ITSN2: variants seen among roughly 807,000 people sequenced by gnomAD.
The protein encoded by ITSN2 is intersectin 2, also known as intersectin-2.
ITSN2 carries 156 observed loss-of-function variants against 243.7 expected under a neutral mutation model. The observed-to-expected ratio is 0.64, with a 90% CI of 0.56 to 0.73. The LOEUF (loss-of-function observed/expected upper bound fraction) is 0.73, where lower values mean the gene tolerates loss of function less well. Ranked by LOEUF, ITSN2 falls within the 30% of genes least tolerant of loss-of-function variation. The probability of loss-of-function intolerance (pLI) is 0.00; values close to 1 mark genes in which losing one functional copy is unlikely to be tolerated. For synonymous variants in ITSN2, 703 were observed against 699.9 expected (o/e 1.00, Z -0.07); for missense variants, 1,801 against 1,996.1 (o/e 0.90, Z 1.86).
At chr2:24,299,880 T>C (rs779115988) in intron 12 of ITSN2, 29 bp downstream of exon 12, 37 of 1,530,478 alleles carry the variant, frequency 2.4e-5, no homozygotes, top group East Asian at 1.6e-4. Context: ...GTAATGATTT[T>C]CTTAAGAAGT....
Position 24,249,776 on chromosome 2 carries a change from G to A in ITSN2, c.3121-894C>T, listed in dbSNP as rs1673868380. ...TTACAGCTAAGAGTCAACCCAGGCA[G>A]TCTGATTCTACTACACCAATGGCTC... On this transcript the variant is annotated intron_variant, in intron 25 of 39. Transcript: ENST00000355123. The surrounding 1 kb of genome is among the most constrained non-coding windows in gnomAD (Gnocchi z 4.4). Among the ~76,000 whole-genome samples the A allele has an allele frequency of 6.6e-6, 1 of 152,194 alleles. No individual in the cohort carries two copies. The highest frequency in any genetic ancestry group is 6.5e-5 in the Admixed American group (1 of 15,276).
intron 1 of ITSN2, among the ~76,000 whole-genome samples, chr2:24,344,044 T>C (rs945236276): frequency 2.0e-5 from 3 of 152,230 alleles, no homozygotes; most frequent in African/African-American, 7.2e-5. Context: ...ACATGTTATT[T>C]TTCAAACCCA....
upstream of ITSN2, among the ~76,000 whole-genome samples, chr2:24,361,236 C>T (rs1307084833): frequency 6.6e-6 from 1 of 152,178 alleles, no homozygotes; most frequent in Non-Finnish European, 1.5e-5. Flanking sequence ...CCTCCCCACC[C>T]CTCGCCAAGG....
intron 7 of ITSN2, 127 bp downstream of exon 7, chr2:24,310,157 C>T (rs1289933414): frequency 5.3e-6 from 3 of 569,104 alleles, no homozygotes; most frequent in African/African-American, 3.8e-5. Flanking sequence ...GTAAATTTAC[C>T]TTAAGTATTT....
chr2:24,220,123 C>T (rs992248351), intron 30 of ITSN2, among the ~76,000 whole-genome samples: 13 of 152,272 alleles, frequency 8.5e-5, no homozygotes, highest in South Asian at 4.2e-4. Context: ...CAGGGCAGGG[C>T]TTGCTGGGGA....
chr2:24,203,957 G>A, intron 39 of ITSN2, 174 bp from the exon 40 acceptor site: 3 of 676,076 alleles, frequency 4.4e-6, no homozygotes, highest in Non-Finnish European at 4.9e-6. Flanking sequence ...GCAGGTTTGT[G>A]TGTGAGAAGC....
At chr2:24,276,914 G>A (rs1187500344) in intron 17 of ITSN2, among the ~76,000 whole-genome samples, 1 of 152,144 alleles carries the variant, frequency 6.6e-6, no homozygotes, top group East Asian at 1.9e-4. Context: ...AACCAAATAA[G>A]ACCTGGGGAT....
In ITSN2 at chr2:24,248,768, A is replaced by G; in HGVS notation, c.3167-18T>C. 6.2e-7 allele frequency: 1 copy of G among 1,613,020 alleles called. No homozygotes were observed. ...AGCAATCTCTGAAAAGACAAAGAAGAAACTATGAATTCAAGATTGCGACAG... is the reference window on the plus strand; with the variant it reads ...AGCAATCTCTGAAAAGACAAAGAAGGAACTATGAATTCAAGATTGCGACAG... On this transcript the variant is annotated intron_variant, in intron 26 of 39. Coordinates refer to ENST00000355123, the MANE Select transcript of ITSN2 (RefSeq NM_006277.3).
intron 22 of ITSN2, among the ~76,000 whole-genome samples, chr2:24,260,485 G>A (rs1361488259): frequency 1.4e-5 from 2 of 146,806 alleles, no homozygotes; most frequent in Non-Finnish European, 3.0e-5. Flanking sequence ...AAACCGTCAA[G>A]CCCAAGTCTC....
chr2:24,204,806 T>C lies in ITSN2; in HGVS notation c.4763-388A>G, dbSNP rs75201250. On this transcript the variant is annotated intron_variant, in intron 38 of 39. Coordinates refer to ENST00000355123, the MANE Select transcript of ITSN2 (RefSeq NM_006277.3). The surrounding 1 kb of genome is among the most constrained non-coding windows in gnomAD (Gnocchi z 5.1). ...CGCATTTTAGTGGCACTGGACACAC[T>C]GTTAGAAAGCATTCCTTTATTCAGT... The C allele has an allele frequency of 2.1e-3, 982 of 462,214 alleles. 16 individuals are homozygous for C. The East Asian group carries it at 0.043, about 20-fold the overall frequency. The allele number at this position is 462,214 out of a possible 1,614,324, so 28.6% of individuals were successfully genotyped here.
At chr2:24,334,639 G>T (rs1006417251) in intron 1 of ITSN2, 8 of 1,302,028 alleles carry the variant, frequency 6.1e-6, no homozygotes, top group Admixed American at 3.4e-5. Flanking sequence ...TGTTATACAG[G>T]AAGCAGAGTG....
In ITSN2 at chr2:24,203,001, A is replaced by C. The variant is rs188312981; in HGVS notation, c.*625T>G. On this transcript the variant is annotated 3_prime_UTR_variant, in exon 40 of 40. Coordinates refer to ENST00000355123, the MANE Select transcript of ITSN2 (RefSeq NM_006277.3). ...TTATACTTCAGAAAATTAAAGTTGAAAAATATTTTCCACATTATTAGAGTT... is the reference window on the plus strand; with the variant it reads ...TTATACTTCAGAAAATTAAAGTTGACAAATATTTTCCACATTATTAGAGTT... The C allele has an allele frequency of 6.5e-6, 1 of 152,794 alleles. No homozygotes were observed. Among genetic ancestry groups the C allele is most frequent in the Admixed American group, 6.5e-5 (1 of 15,306 alleles). The allele number at this position is 152,794 out of a possible 1,614,324, so 9.5% of individuals were successfully genotyped here.
intron 15 of ITSN2, among the ~76,000 whole-genome samples, chr2:24,288,117 A>G (rs1156867463): frequency 1.3e-5 from 2 of 152,066 alleles, no homozygotes; most frequent in East Asian, 3.8e-4. Context: ...GCCAATGTCA[A>G]AGAGCTTTTG....
At chr2:24,321,159 G>A (rs1684534506) in intron 2 of ITSN2, among the ~76,000 whole-genome samples, 1 of 152,152 alleles carries the variant, frequency 6.6e-6, no homozygotes, top group African/African-American at 2.4e-5. Flanking sequence ...TGCAAATACA[G>A]GGGTTTCTTC....
chr2:24,329,030 T>G (rs1685486554), intron 1 of ITSN2, among the ~76,000 whole-genome samples: 1 of 152,232 alleles, frequency 6.6e-6, no homozygotes, highest in African/African-American at 2.4e-5. Flanking sequence ...TAACCTTTTT[T>G]GAGACTCAGA....
intron 17 of ITSN2, among the ~76,000 whole-genome samples, chr2:24,277,472 G>A (rs1202668446): frequency 6.6e-6 from 1 of 152,166 alleles, no homozygotes; most frequent in Non-Finnish European, 1.5e-5. Context: ...CAATAGTAAT[G>A]CATACTGCTT....
rs146385877 is a variant in ITSN2, at chr2:24,298,080, G to C, written c.1494+585C>G. On this transcript the variant is annotated intron_variant, in intron 13 of 39. Transcript: ENST00000355123. ...GCTCACTGCAACCTCCACCTCCTGG[G>C]TTCAAGTGATTCTCCTGCCTCAGCC... is the stretch of plus-strand genomic sequence containing the variant. Among the ~76,000 whole-genome samples the C allele has an allele frequency of 1.5e-3, 227 of 151,832 alleles. 1 individual carries two copies. Among genetic ancestry groups the C allele is most frequent in the African/African-American group, 5.2e-3 (214 of 41,360 alleles).
chr2:24,245,030 T>G (rs759583178), intron 29 of ITSN2, among the ~76,000 whole-genome samples: 2 of 152,206 alleles, frequency 1.3e-5, no homozygotes, highest in Non-Finnish European at 2.9e-5. Context: ...TCATAAGAGA[T>G]ATATCATGAG....
chr2:24,288,587 T>A (rs190429179), intron 15 of ITSN2, among the ~76,000 whole-genome samples: 1 of 152,272 alleles, frequency 6.6e-6, no homozygotes, highest in East Asian at 1.9e-4. Flanking sequence ...CGCATGTTGT[T>A]TTGAAATATG....
Sources: gnomAD v4.1 joint callset for allele counts (sites outside exome capture counted in the v4.1 genomes callset) on GRCh38, gnomAD v4.1.1 for gene constraint, Gnocchi (gnomAD v3.1) non-coding constraint, MANE v1.5 for transcripts, NCBI Gene and HGNC (gene_info 2026-07-23, HGNC 2026-07-21) for gene names.